The following AGBL4 variants were observed in gnomAD, a reference collection of about 807,000 sequenced individuals.
AGBL4 encodes the protein AGBL carboxypeptidase 4.
A neutral mutation model predicts 66.4 loss-of-function variants in AGBL4; 58 were observed. The ratio of observed to expected loss-of-function variants is 0.87; its 90% CI spans 0.71 to 1.09. AGBL4 has a LOEUF of 1.09. Among genes scored for constraint, AGBL4 ranks in the 50% least tolerant of loss-of-function variants. The probability of loss-of-function intolerance (pLI) is 0.00; values close to 1 mark genes in which losing one functional copy is unlikely to be tolerated. For synonymous variants in AGBL4, 234 were observed against 222.9 expected, an observed-to-expected ratio of 1.05 and a Z score of -0.44; for missense variants, 579 against 631.0, an observed-to-expected ratio of 0.92 and a Z score of 0.88.
intron 1 of AGBL4, among the ~76,000 whole-genome samples, chr1:49,896,753 C>A (rs143542627): frequency 8.6e-4 from 130 of 151,748 alleles, no homozygotes; most frequent in African/African-American, 3.1e-3. Context: ...AAGATCATTC[C>A]TCATGCATGA....
chr1:49,743,480 T>A (rs1458346995), intron 2 of AGBL4, among the ~76,000 whole-genome samples: 1 of 152,192 alleles, frequency 6.6e-6, no homozygotes, highest in East Asian at 1.9e-4. Context: ...TCAACCATTG[T>A]GGAAGTTAGT....
At chr1:49,129,248 C>A (rs2148063375) in intron 4 of AGBL4, among the ~76,000 whole-genome samples, 1 of 151,978 alleles carries the variant, frequency 6.6e-6, no homozygotes, top group Non-Finnish European at 1.5e-5. Flanking sequence ...TTATACACTG[C>A]TGGTAAGAAT....
intron 4 of AGBL4, among the ~76,000 whole-genome samples, chr1:49,224,962 A>C (rs982838534): frequency 6.6e-6 from 1 of 152,226 alleles, no homozygotes; most frequent in Non-Finnish European, 1.5e-5. Flanking sequence ...GTACAAATGA[A>C]TACTTCTCTG....
At chr1:49,224,355 T>C (rs933707015) in intron 4 of AGBL4, among the ~76,000 whole-genome samples, 3 of 152,098 alleles carry the variant, frequency 2.0e-5, no homozygotes, top group Non-Finnish European at 2.9e-5. Flanking sequence ...CGGTGACTTA[T>C]GCCTGTAATC....
At chr1:49,107,338 G>A (rs1184572652) in intron 4 of AGBL4, among the ~76,000 whole-genome samples, 1 of 152,096 alleles carries the variant, frequency 6.6e-6, no homozygotes. Flanking sequence ...ATAATGTTTG[G>A]TAGGTTAGAT....
intron 4 of AGBL4, among the ~76,000 whole-genome samples, chr1:49,100,646 G>T (rs941165732): frequency 6.6e-6 from 1 of 152,144 alleles, no homozygotes; most frequent in Non-Finnish European, 1.5e-5. Context: ...GCCAGAGATT[G>T]TAAGTCCAAG....
At chr1:48,684,987 G>A (rs561314153) in intron 6 of AGBL4, among the ~76,000 whole-genome samples, 2 of 152,294 alleles carry the variant, frequency 1.3e-5, no homozygotes, top group African/African-American at 2.4e-5. Flanking sequence ...AGCTCTGAAG[G>A]CAAATGACTC....
chr1:48,787,857 T>G (rs1362937541), intron 6 of AGBL4, among the ~76,000 whole-genome samples: 2 of 152,354 alleles, frequency 1.3e-5, no homozygotes. Flanking sequence ...TTATCTCAAC[T>G]GGTAGGTCTA....
At chr1:49,790,862 G>A (rs750786130) in intron 2 of AGBL4, among the ~76,000 whole-genome samples, 1 of 152,112 alleles carries the variant, frequency 6.6e-6, no homozygotes, top group Non-Finnish European at 1.5e-5. Flanking sequence ...GCAGATAATC[G>A]ACTATATTTT....
At chr1:49,566,782 T>TCTCA (rs144112682) in intron 3 of AGBL4, among the ~76,000 whole-genome samples, 70,559 of 151,676 alleles carry the variant, frequency 0.47, 17,740 homozygotes, top group Non-Finnish European at 0.57. Flanking sequence ...CATTCTCAGA[T>TCTCA]CTCAAGCTGC....
chr1:49,588,711 T>C (rs1374059167), intron 3 of AGBL4, among the ~76,000 whole-genome samples: 4 of 152,218 alleles, frequency 2.6e-5, no homozygotes, highest in African/African-American at 9.6e-5. Context: ...GGCACCTACA[T>C]GTGCCACATA....
intron 3 of AGBL4, among the ~76,000 whole-genome samples, chr1:49,628,349 G>A (rs931885093): frequency 8.6e-5 from 13 of 151,990 alleles, no homozygotes; most frequent in African/African-American, 2.9e-4. Context: ...AATAAAAGCT[G>A]GAAATCTTAT....
chr1:49,038,500 A>T (rs1305284923), intron 5 of AGBL4, among the ~76,000 whole-genome samples: 2 of 152,118 alleles, frequency 1.3e-5, no homozygotes, highest in Non-Finnish European at 2.9e-5. Context: ...ATAAAACTCA[A>T]CAATAAGAAA....
intron 3 of AGBL4, among the ~76,000 whole-genome samples, chr1:49,568,228 A>G (rs1371540383): frequency 1.3e-5 from 2 of 152,174 alleles, no homozygotes; most frequent in Non-Finnish European, 2.9e-5. Context: ...ACATAATTCT[A>G]TATCTAGAAA....
chr1:48,660,091 A>C (rs927396885), intron 7 of AGBL4, among the ~76,000 whole-genome samples: 2 of 152,186 alleles, frequency 1.3e-5, no homozygotes, highest in African/African-American at 4.8e-5. Flanking sequence ...GCCACACAGG[A>C]GCTCCTCTGA....
chr1:49,126,010 C>T (rs1276440066), intron 4 of AGBL4, among the ~76,000 whole-genome samples: 1 of 152,150 alleles, frequency 6.6e-6, no homozygotes, highest in Non-Finnish European at 1.5e-5. Flanking sequence ...TGATATTGAA[C>T]AGTGCTAGCT....
At chr1:49,465,032 C>T (rs976308101) in intron 3 of AGBL4, among the ~76,000 whole-genome samples, 1 of 151,692 alleles carries the variant, frequency 6.6e-6, no homozygotes, top group African/African-American at 2.4e-5. Flanking sequence ...TCACAAAGAA[C>T]ACTGGCATTT....
At chr1:49,454,178 C>T (rs552996653) in intron 3 of AGBL4, among the ~76,000 whole-genome samples, 6 of 151,854 alleles carry the variant, frequency 4.0e-5, no homozygotes, top group East Asian at 3.9e-4. Flanking sequence ...AATCAGACAA[C>T]GATATTCCAT....
chr1:49,578,054 T>A (rs1372990783), intron 3 of AGBL4, among the ~76,000 whole-genome samples: 1 of 152,118 alleles, frequency 6.6e-6, no homozygotes, highest in Non-Finnish European at 1.5e-5. Context: ...AGGTCTTAGT[T>A]CCAGAGGGAG....
Sources: allele counts gnomAD v4.1 joint callset (sites outside exome capture counted in the v4.1 genomes callset), GRCh38; gene constraint gnomAD v4.1.1; transcripts MANE v1.5; gene names NCBI Gene and HGNC (gene_info 2026-07-23, HGNC 2026-07-21).